The following GTF2IRD1 variants were observed in gnomAD, a reference collection of about 807,000 sequenced individuals.
The protein encoded by GTF2IRD1 is GTF2I repeat domain containing 1.
A neutral mutation model predicts 113.2 loss-of-function variants in GTF2IRD1; 26 were observed. The observed-to-expected ratio is 0.23, with a 90% CI of 0.17 to 0.32. The LOEUF (loss-of-function observed/expected upper bound fraction) is 0.32. Among genes scored for constraint, GTF2IRD1 ranks in the 10% least tolerant of loss-of-function variants. The pLI, the probability that GTF2IRD1 is intolerant of heterozygous loss-of-function variation, is 1.00. For missense variants in GTF2IRD1, 864 were observed against 1,280.8 expected (o/e 0.67, Z 4.97); for synonymous variants, 484 against 529.1 (o/e 0.91, Z 1.17).
At chr7:74,497,934 C>T (rs557409756) in intron 1 of GTF2IRD1, among the ~76,000 whole-genome samples, 29 of 151,858 alleles carry the variant, frequency 1.9e-4, no homozygotes, top group African/African-American at 6.5e-4. Context: ...GAACTCCTGA[C>T]CTTAGATGAT....
intron 3 of GTF2IRD1, among the ~76,000 whole-genome samples, chr7:74,514,458 G>T (rs1031416360): frequency 6.6e-6 from 1 of 152,182 alleles, no homozygotes; most frequent in African/African-American, 2.4e-5. Flanking sequence ...ACGCAGAGCC[G>T]CTATTTATAG....
intron 1 of GTF2IRD1, among the ~76,000 whole-genome samples, chr7:74,459,234 C>T (rs561902016): frequency 2.0e-5 from 3 of 152,066 alleles, no homozygotes; most frequent in Non-Finnish European, 2.9e-5. Flanking sequence ...CCGAGGCGGG[C>T]GGATCACCTG....
At chr7:74,595,936 C>G (rs1802385375) in intron 25 of GTF2IRD1, 1 of 152,332 alleles carries the variant, frequency 6.6e-6, no homozygotes, top group Admixed American at 6.5e-5. Context: ...TCACTAGGCA[C>G]CTGGGGGCCG....
chr7:74,575,621 C>T (rs1386145699), intron 22 of GTF2IRD1, among the ~76,000 whole-genome samples: 1 of 152,180 alleles, frequency 6.6e-6, no homozygotes, highest in African/African-American at 2.4e-5. Context: ...CTGAAGCCAA[C>T]AGAATGTGCT....
intron 22 of GTF2IRD1, among the ~76,000 whole-genome samples, chr7:74,564,674 C>A (rs1381381394): frequency 6.6e-6 from 1 of 152,154 alleles, no homozygotes. Flanking sequence ...GAGGATCCCT[C>A]GAGCCTAGGA....
At chr7:74,550,018 C>T (rs1278133704) in intron 17 of GTF2IRD1, among the ~76,000 whole-genome samples, 7 of 147,314 alleles carry the variant, frequency 4.8e-5, no homozygotes, top group African/African-American at 1.8e-4. Flanking sequence ...GCCTGGGCAA[C>T]AAGAGCAAAA....
intron 22 of GTF2IRD1, among the ~76,000 whole-genome samples, chr7:74,569,840 C>G (rs146804156): frequency 6.6e-6 from 1 of 152,176 alleles, no homozygotes; most frequent in Non-Finnish European, 1.5e-5. Flanking sequence ...GGTCTGTGGG[C>G]TTGTGAGACA....
intron 5 of GTF2IRD1, 26 bp downstream of exon 5, chr7:74,518,348 T>TGGGCCG (rs1554345196): frequency 1.3e-6 from 2 of 1,550,272 alleles, no homozygotes; most frequent in African/African-American, 1.4e-5. Context: ...GGCCCGGGGC[T>TGGGCCG]GGGCTGGGGC....
At chr7:74,545,592 T>C (rs1583848319) in intron 15 of GTF2IRD1, 152 bp from the exon 16 acceptor site, 1 of 650,774 alleles carries the variant, frequency 1.5e-6, no homozygotes, top group East Asian at 2.7e-5. Flanking sequence ...GCGTGTGCCA[T>C]TTCTGAGGAA....
chr7:74,539,335 C>A (rs1429425416), intron 13 of GTF2IRD1, among the ~76,000 whole-genome samples: 1 of 152,004 alleles, frequency 6.6e-6, no homozygotes, highest in Non-Finnish European at 1.5e-5. Context: ...GTCGGTGTAG[C>A]TTCTCAGGAG....
chr7:74,539,481 C>T (rs782529131), intron 13 of GTF2IRD1, among the ~76,000 whole-genome samples: 10 of 151,936 alleles, frequency 6.6e-5, no homozygotes, highest in African/African-American at 9.7e-5. Flanking sequence ...CAGTGGCTCA[C>T]GCCTATAATC....
At chr7:74,515,417 C>T (rs1796872819) in intron 3 of GTF2IRD1, 24 bp from the exon 4 acceptor site, 3 of 1,559,964 alleles carry the variant, frequency 1.9e-6, no homozygotes, top group Middle Eastern at 1.7e-4. Flanking sequence ...CTCACTGTGG[C>T]CTCGCGTGCT....
rs1554357556 is a variant in GTF2IRD1 at position 74,557,681 on chromosome 7, C to T, written c.2066C>T (p.Thr689Ile). The stretch of plus-strand genomic sequence containing the variant: ...CTCTCACGGATCGACATCGCCAACA[C>T]ACTAAGGGAGCAGGTCCAGGACCTT... The part of the protein sequence containing the change: ...ARLSRIDIAN[T>I]LREQVQDLFN... The change falls in exon 20 of 27, where the codon ACA becomes ATA. Residue 689 changes from threonine (T) to isoleucine (I), a missense_variant. By Grantham distance (89) the Thr-to-Ile change is moderately conservative. Coordinates refer to ENST00000424337, the MANE Select transcript of GTF2IRD1 (RefSeq NM_005685.4). The T allele has an allele frequency of 6.2e-7, 1 of 1,613,482 alleles. No individual in the cohort carries two copies. The highest frequency in any genetic ancestry group is 1.1e-5 in the South Asian group (1 of 91,054).
chr7:74,575,203 A>G (rs1475750293), intron 22 of GTF2IRD1, among the ~76,000 whole-genome samples: 4 of 152,160 alleles, frequency 2.6e-5, no homozygotes, highest in African/African-American at 9.7e-5. Context: ...ATTTATTTTT[A>G]GGAGATTGCA....
At chr7:74,564,092 T>C (rs2130816647) in intron 22 of GTF2IRD1, among the ~76,000 whole-genome samples, 1 of 151,690 alleles carries the variant, frequency 6.6e-6, no homozygotes, top group South Asian at 2.1e-4. Context: ...AATGGCACAA[T>C]CTTGGCTCAC....
rs1246974462 is a variant in GTF2IRD1, at chr7:74,453,997, C to A, written c.-186C>A. ...CAGCCCCCCGGCCGGCCGATTCCCCCCCCGCGCCCCCTCCCCGCGCCTCCC... is the reference window on the plus strand; with the variant it reads ...CAGCCCCCCGGCCGGCCGATTCCCCACCCGCGCCCCCTCCCCGCGCCTCCC... On this transcript the variant is annotated 5_prime_UTR_variant, in exon 1 of 27. Transcript: ENST00000424337. 7 of 148,634 alleles carry A rather than the reference C, an allele frequency of 4.7e-5. No homozygotes were observed. Among genetic ancestry groups the A allele is most frequent in the South Asian group, 1.9e-4 (1 of 5,162 alleles). 9.2% of individuals were successfully genotyped at this position (148,634 alleles called of 1,614,324 possible). A position where few individuals can be genotyped will look rare whatever the true frequency, so the allele number is the denominator to read the frequency against.
intron 5 of GTF2IRD1, among the ~76,000 whole-genome samples, chr7:74,519,144 C>T (rs1187712391): frequency 1.3e-5 from 2 of 152,206 alleles, no homozygotes; most frequent in East Asian, 1.9e-4. Context: ...GGCAATCAAC[C>T]GCACCTGGCG....
At chr7:74,459,172 C>T (rs538391031) in intron 1 of GTF2IRD1, among the ~76,000 whole-genome samples, 4 of 152,242 alleles carry the variant, frequency 2.6e-5, no homozygotes, top group South Asian at 4.2e-4. Context: ...TAAGTTAGGG[C>T]CGGGTGCGGT....
intron 8 of GTF2IRD1, among the ~76,000 whole-genome samples, chr7:74,528,209 AAAC>A (rs1230460857): frequency 1.3e-5 from 2 of 152,112 alleles, no homozygotes; most frequent in African/African-American, 4.8e-5. Context: ...GCAAGGCAGA[AAAC>A]AAAACCCCTA....
Sources: allele counts gnomAD v4.1 joint callset (sites outside exome capture counted in the v4.1 genomes callset), GRCh38; gene constraint gnomAD v4.1.1; transcripts MANE v1.5; gene names NCBI Gene and HGNC (gene_info 2026-07-23, HGNC 2026-07-21).